The following PRUNE2 variants were observed in gnomAD, a reference collection of about 807,000 sequenced individuals.
PRUNE2 encodes the protein protein prune homolog 2.
PRUNE2 carries 164 observed loss-of-function variants against 252.0 expected under a neutral mutation model. The ratio of observed to expected loss-of-function variants is 0.65; its 90% CI spans 0.57 to 0.74. PRUNE2 has a LOEUF of 0.74. PRUNE2 is among the 30% of genes least tolerant of loss of function. The probability of loss-of-function intolerance (pLI) is 0.00; values close to 1 mark genes in which losing one functional copy is unlikely to be tolerated. For missense variants in PRUNE2, 3,495 were observed against 3,711.0 expected (o/e 0.94, Z 1.51); for synonymous variants, 1,292 against 1,350.2 (o/e 0.96, Z 0.94).
intron 6 of PRUNE2, among the ~76,000 whole-genome samples, chr9:76,803,414 T>C (rs1435349985): frequency 6.6e-6 from 1 of 152,204 alleles, no homozygotes; most frequent in Non-Finnish European, 1.5e-5. Flanking sequence ...TACTTGTAAG[T>C]TGCATTTGCA....
intron 6 of PRUNE2, among the ~76,000 whole-genome samples, chr9:76,806,780 AG>A (rs925267357): frequency 2.0e-5 from 3 of 151,630 alleles, no homozygotes; most frequent in African/African-American, 2.4e-5. Context: ...AGCCTCCCAA[AG>A]TGCTGGGATT....
intron 6 of PRUNE2, among the ~76,000 whole-genome samples, chr9:76,756,621 G>A (rs992847607): frequency 1.3e-5 from 2 of 152,218 alleles, no homozygotes; most frequent in Admixed American, 6.5e-5. Flanking sequence ...ATTGTGTCCT[G>A]AAGGCACTGT....
intron 4 of PRUNE2, among the ~76,000 whole-genome samples, chr9:76,836,792 C>T (rs962552230): frequency 6.6e-6 from 1 of 152,194 alleles, no homozygotes; most frequent in Non-Finnish European, 1.5e-5. Flanking sequence ...CACCTGTTGA[C>T]ATTTATCCAT....
chr9:76,728,741 C>G (rs2048326814), intron 6 of PRUNE2, among the ~76,000 whole-genome samples: 1 of 152,220 alleles, frequency 6.6e-6, no homozygotes, highest in African/African-American at 2.4e-5. Context: ...GCCCAGGACT[C>G]ACATCCTAGC....
intron 1 of PRUNE2, among the ~76,000 whole-genome samples, chr9:76,880,292 AAAGTC>A: frequency 6.6e-6 from 1 of 152,180 alleles, no homozygotes; most frequent in Admixed American, 6.5e-5. Context: ...GTGAGGAATC[AAAGTC>A]CTTCATTTGT....
At chr9:76,807,228 T>C (rs62568060) in intron 6 of PRUNE2, among the ~76,000 whole-genome samples, 3 of 133,990 alleles carry the variant, frequency 2.2e-5, no homozygotes, top group African/African-American at 5.8e-5. Context: ...GTCTGGCTAA[T>C]TTAAAAAAAA....
At chr9:76,626,928 G>C (rs116638632) in intron 16 of PRUNE2, among the ~76,000 whole-genome samples, 2,959 of 152,180 alleles carry the variant, frequency 0.019, 105 homozygotes, top group African/African-American at 0.068. Context: ...TAGGAGAGAA[G>C]GTTCAAATCT....
At chr9:76,625,117 C>A in intron 16 of PRUNE2, 2 of 1,154,192 alleles carry the variant, frequency 1.7e-6, no homozygotes, top group Non-Finnish European at 2.3e-6. Context: ...GGAAAAATGA[C>A]AAGTAAATGA....
chr9:76,706,217 A>T lies in PRUNE2; in HGVS notation c.6057T>A (p.Pro2019=). 1 of 1,614,004 alleles carries T rather than the reference A, an allele frequency of 6.2e-7. No homozygotes were observed. The highest frequency in any genetic ancestry group is 8.5e-7 in the Non-Finnish European group (1 of 1,179,882). ...TNSSIATENF[P]AVSSPTQLIM... ...TCAGTTGGGTGGGAGAACTGACAGCAGGAAAATTTTCTGTGGCAATGCTTG... is the reference window on the plus strand; with the variant it reads ...TCAGTTGGGTGGGAGAACTGACAGCTGGAAAATTTTCTGTGGCAATGCTTG... Residue 2019 remains proline, a synonymous_variant, in exon 8 of 19, where the codon CCT becomes CCA. Transcript: ENST00000376718.
At chr9:76,757,208 A>C (rs943216325) in intron 6 of PRUNE2, among the ~76,000 whole-genome samples, 1 of 152,234 alleles carries the variant, frequency 6.6e-6, no homozygotes, top group Non-Finnish European at 1.5e-5. Context: ...ACCTACAAAC[A>C]AATGCTACTT....
chr9:76,711,704 A>G (rs781781319), intron 7 of PRUNE2, among the ~76,000 whole-genome samples: 20 of 152,232 alleles, frequency 1.3e-4, no homozygotes, highest in Non-Finnish European at 2.2e-4. Flanking sequence ...GAGATAATGC[A>G]TGTTGCTGAC....
chr9:76,640,631 T>C (rs1490413103), intron 12 of PRUNE2, among the ~76,000 whole-genome samples: 1 of 152,186 alleles, frequency 6.6e-6, no homozygotes, highest in Non-Finnish European at 1.5e-5. Context: ...TAGAATGCAA[T>C]ATGAAGGAAA....
chr9:76,830,195 T>C (rs2058588826), intron 4 of PRUNE2, among the ~76,000 whole-genome samples: 1 of 151,696 alleles, frequency 6.6e-6, no homozygotes, highest in African/African-American at 2.4e-5. Flanking sequence ...CGATGAAAAA[T>C]ACAGAGATGA....
At position 76,708,809 on chromosome 9, in the gene PRUNE2, T is replaced by A. The variant is rs571179870; in HGVS notation, c.3465A>T (p.Gly1155=). The stretch of plus-strand genomic sequence containing the variant: ...CCGGCTCGGAACCTTCAGCCATGTA[T>A]CCTTCTGTTTGACCATCACTGGGGA... ...AAIPSDGQTE[G]YMAEGSEPET... The change falls in exon 8 of 19, where the codon GGA becomes GGT. Residue 1155 remains glycine (G), a synonymous_variant. Coordinates refer to ENST00000376718, the MANE Select transcript of PRUNE2 (RefSeq NM_015225.3). 2.2e-5 allele frequency: 36 copies of A among 1,613,900 alleles called. No individual in the cohort carries two copies. In the East Asian group the frequency reaches 7.8e-4, roughly 35 times the overall value.
At chr9:76,644,622 G>A (rs766022584) in intron 12 of PRUNE2, 117 bp downstream of exon 12, 1 of 904,218 alleles carries the variant, frequency 1.1e-6, no homozygotes, top group East Asian at 2.5e-5. Flanking sequence ...CTGAATATTG[G>A]CTCTAGAATA....
rs1246046796 is a variant in PRUNE2 at position 76,817,656 on chromosome 9, C to A, written c.756+5976G>T. On this transcript the variant is annotated intron_variant, in intron 6 of 18. Transcript: ENST00000376718. ...ATGGTCTCTGAATCACCCCTGGCCA[C>A]CTGACTGGGAACACCAAATAGGATT... The A allele has an allele frequency of 3.3e-5, 5 of 152,196 alleles. No homozygotes were observed. In the East Asian group the frequency reaches 9.6e-4, roughly 29 times the overall value. 9.4% of individuals were successfully genotyped at this position (152,196 alleles called of 1,614,324 possible).
chr9:76,753,207 T>C (rs988830887), intron 6 of PRUNE2, among the ~76,000 whole-genome samples: 2 of 152,018 alleles, frequency 1.3e-5, no homozygotes, highest in Admixed American at 1.3e-4. Flanking sequence ...TTTTTGTATT[T>C]TTTGTGGAAA....
intron 4 of PRUNE2, among the ~76,000 whole-genome samples, chr9:76,843,259 G>A (rs1346714074): frequency 1.3e-5 from 2 of 152,138 alleles, no homozygotes; most frequent in African/African-American, 4.8e-5. Flanking sequence ...TCACTCATAA[G>A]TGGGAGCTGA....
intron 1 of PRUNE2, among the ~76,000 whole-genome samples, chr9:76,880,996 T>C (rs1173628314): frequency 6.7e-6 from 1 of 150,362 alleles, no homozygotes; most frequent in African/African-American, 2.5e-5. Context: ...AGTCTCGCTC[T>C]ATCGCCCAGG....
Sources: allele counts gnomAD v4.1 joint callset (sites outside exome capture counted in the v4.1 genomes callset), GRCh38; gene constraint gnomAD v4.1.1; transcripts MANE v1.5; gene names NCBI Gene and HGNC (gene_info 2026-07-23, HGNC 2026-07-21).